Variants in MSI2 observed in about 807,000 individuals in gnomAD.
MSI2 encodes the protein RNA-binding protein Musashi homolog 2.
Under a neutral mutation model 45.6 loss-of-function variants are expected in MSI2, and 17 were observed. The observed-to-expected ratio is 0.37, with a 90% CI of 0.26 to 0.56. MSI2 has a LOEUF of 0.56. Ranked by LOEUF, MSI2 falls within the 20% of genes least tolerant of loss-of-function variation. The pLI, the probability that MSI2 is intolerant of heterozygous loss-of-function variation, is 0.77. For missense variants in MSI2, 293 were observed against 444.2 expected (o/e 0.66, Z 3.06); for synonymous variants, 156 against 158.2 (o/e 0.99, Z 0.11).
At chr17:57,325,260 C>T (rs1005199628) in intron 5 of MSI2, among the ~76,000 whole-genome samples, 2 of 152,128 alleles carry the variant, frequency 1.3e-5, no homozygotes, top group African/African-American at 4.8e-5. Flanking sequence ...CTTACAAGTG[C>T]AAAGGCACAC....
chr17:57,463,662 A>G (rs1598299004), intron 6 of MSI2, among the ~76,000 whole-genome samples: 1 of 152,042 alleles, frequency 6.6e-6, no homozygotes, highest in Non-Finnish European at 1.5e-5. Context: ...GTCCAGTCCA[A>G]TCACAACCTC....
At position 57,652,193 on chromosome 17, in the gene MSI2, G is replaced by T; in HGVS notation, c.790+32G>T. 6.2e-7 allele frequency: 1 copy of T among 1,605,034 alleles called. No homozygotes were observed. The highest frequency in any genetic ancestry group is 1.7e-4 in the Middle Eastern group (1 of 6,032). On this transcript the variant is annotated intron_variant, in intron 11 of 13. Coordinates refer to ENST00000284073, the MANE Select transcript of MSI2 (RefSeq NM_138962.4). This position sits in a 1 kb window ranked among gnomAD's most constrained non-coding sequence, Gnocchi z 4.1. ...AGGTGTATGGGACAGGCGACTCCCA[G>T]GCATGCCCCCAGTGTGCAGGGGGAG... is the stretch of plus-strand genomic sequence containing the variant.
At chr17:57,444,645 G>C (rs1209811646) in intron 6 of MSI2, 1 of 152,110 alleles carries the variant, frequency 6.6e-6, no homozygotes, top group African/African-American at 2.4e-5. Flanking sequence ...GTGGGCCCAT[G>C]AGATGACACA....
intron 7 of MSI2, among the ~76,000 whole-genome samples, chr17:57,558,903 A>C (rs1157132497): frequency 6.6e-6 from 1 of 152,130 alleles, no homozygotes; most frequent in African/African-American, 2.4e-5. Flanking sequence ...TCTACTAAAA[A>C]TACAAAAAAA....
chr17:57,361,712 T>C (rs773422665), intron 5 of MSI2, among the ~76,000 whole-genome samples: 5 of 152,060 alleles, frequency 3.3e-5, no homozygotes, highest in African/African-American at 4.8e-5. Context: ...TATCTTCACA[T>C]TGAGTGGGCT....
intron 6 of MSI2, among the ~76,000 whole-genome samples, chr17:57,452,015 G>T (rs757762893): frequency 1.3e-5 from 2 of 152,290 alleles, no homozygotes; most frequent in Admixed American, 1.3e-4. Context: ...CCGTTCTCAG[G>T]GGGGATGTCC....
chr17:57,633,280 G>A (rs1418481211), intron 10 of MSI2: 3 of 748,432 alleles, frequency 4.0e-6, no homozygotes, highest in Non-Finnish European at 4.9e-6. Flanking sequence ...ACAGCCTAGT[G>A]CAGTTTCTAA....
chr17:57,387,241 A>T (rs1317663030), intron 5 of MSI2, among the ~76,000 whole-genome samples: 1 of 152,210 alleles, frequency 6.6e-6, no homozygotes. Context: ...TGGCTATAAA[A>T]CATCTGTAAC....
At chr17:57,557,430 C>T (rs1196236891) in intron 7 of MSI2, among the ~76,000 whole-genome samples, 1 of 152,244 alleles carries the variant, frequency 6.6e-6, no homozygotes. Flanking sequence ...CTTTCCCGCT[C>T]CTGCCAGACT....
Position 57,624,113 on chromosome 17 carries a change from A to G in MSI2, c.653-3116A>G, listed in dbSNP as rs985118106. Among the ~76,000 whole-genome samples the G allele has an allele frequency of 3.9e-5, 6 of 152,252 alleles. No homozygotes were observed. The East Asian group carries it at 1.2e-3, about 29-fold the overall frequency. ...GGAAAGCCAGGAAGAAAGCAGGTATAATTGCATTGTATTTGTCACCTAAGT... is the reference window on the plus strand; with the variant it reads ...GGAAAGCCAGGAAGAAAGCAGGTATGATTGCATTGTATTTGTCACCTAAGT... On this transcript the variant is annotated intron_variant, in intron 9 of 13. Coordinates refer to ENST00000284073, the MANE Select transcript of MSI2 (RefSeq NM_138962.4).
At position 57,587,618 on chromosome 17, in the gene MSI2, T is replaced by A. The variant is rs546185982; in HGVS notation, c.455-9250T>A. Reference sequence around the variant, plus strand: ...GGTGTGAGCTGGCTCACTAAGTCGCTTTCCCCCTCCTGATTAAGCGTGTGG... The same window carrying A: ...GGTGTGAGCTGGCTCACTAAGTCGCATTCCCCCTCCTGATTAAGCGTGTGG... On this transcript the variant is annotated intron_variant, in intron 7 of 13. Coordinates refer to ENST00000284073, the MANE Select transcript of MSI2 (RefSeq NM_138962.4). 2.0e-5 allele frequency among the ~76,000 whole-genome samples: 3 copies of A among 147,870 alleles called. No homozygotes were observed. The South Asian group carries it at 6.7e-4, about 33-fold the overall frequency.
the MSI2 span, among the ~76,000 whole-genome samples, chr17:57,691,219 CTAT>C: frequency 6.6e-6 from 1 of 151,572 alleles, no homozygotes; most frequent in Non-Finnish European, 1.5e-5. Flanking sequence ...ATCTATCTAT[CTAT>C]CTATCTATCT....
chr17:57,572,778 C>T (rs544424081), intron 7 of MSI2, among the ~76,000 whole-genome samples: 34 of 152,342 alleles, frequency 2.2e-4, no homozygotes, highest in African/African-American at 3.4e-4. Context: ...TTCGTCAGCA[C>T]GGCGCCACAT....
At chr17:57,610,133 C>T (rs1362667422) in intron 8 of MSI2, among the ~76,000 whole-genome samples, 2 of 151,986 alleles carry the variant, frequency 1.3e-5, no homozygotes, top group African/African-American at 2.4e-5. Context: ...GTTTATGAAA[C>T]GCATACCAAC....
Position 57,632,281 on chromosome 17 carries a change from A to G in MSI2, c.727+4978A>G. 4 of 1,079,748 alleles carry G rather than the reference A, an allele frequency of 3.7e-6. No homozygotes were observed. In the East Asian group the frequency reaches 1.4e-4, roughly 39 times the overall value. The allele number at this position is 1,079,748 out of a possible 1,614,324, so 66.9% of individuals were successfully genotyped here. ...ACGTGACTTGGAGCACCCGTGTCTT[A>G]CGATGGACAGTGATAAAGGTGAACA... On this transcript the variant is annotated intron_variant, in intron 10 of 13. Coordinates refer to ENST00000284073, the MANE Select transcript of MSI2 (RefSeq NM_138962.4).
chr17:57,384,115 A>G (rs1486270968), intron 5 of MSI2, among the ~76,000 whole-genome samples: 3 of 152,216 alleles, frequency 2.0e-5, no homozygotes. Flanking sequence ...TCTGTGTTAT[A>G]GTTATTGTTG....
rs2084115783 is a variant in MSI2 at position 57,407,977 on chromosome 17, C to T, written c.405+6506C>T. On this transcript the variant is annotated intron_variant, in intron 6 of 13. Transcript: ENST00000284073. This position sits in a 1 kb window ranked among gnomAD's most constrained non-coding sequence, Gnocchi z 4.1. ...AGACAGGAGAATCCTGCTTCCTCTG[C>T]CTCCTCCACCTTCTAGGCCAGGTGG... 6.6e-6 allele frequency among the ~76,000 whole-genome samples: 1 copy of T among 152,218 alleles called. No homozygotes were observed. Among genetic ancestry groups the T allele is most frequent in the Non-Finnish European group, 1.5e-5 (1 of 68,044 alleles).
chr17:57,669,437 A>G (rs1912612373), intron 11 of MSI2, among the ~76,000 whole-genome samples: 1 of 152,214 alleles, frequency 6.6e-6, no homozygotes, highest in Non-Finnish European at 1.5e-5. Context: ...CTAGGAACAT[A>G]GAGTTCCCTG....
intron 7 of MSI2, among the ~76,000 whole-genome samples, chr17:57,564,254 A>G (rs1451630129): frequency 1.3e-5 from 2 of 152,244 alleles, no homozygotes; most frequent in East Asian, 1.9e-4. Context: ...GCACTGGCCC[A>G]GGACAGCCCA....
Sources: gnomAD v4.1 joint callset for allele counts (sites outside exome capture counted in the v4.1 genomes callset) on GRCh38, gnomAD v4.1.1 for gene constraint, Gnocchi (gnomAD v3.1) non-coding constraint, MANE v1.5 for transcripts, NCBI Gene and HGNC (gene_info 2026-07-23, HGNC 2026-07-21) for gene names.